The following DIS3L2 variants were observed in gnomAD, a reference collection of about 807,000 sequenced individuals.
DIS3L2 encodes the protein DIS3 like 3'-5' exoribonuclease 2.
In DIS3L2, 34 loss-of-function variants were observed where a neutral mutation model predicts 97.5. The observed-to-expected ratio is 0.35, with a 90% confidence interval of 0.27 to 0.46. The LOEUF (loss-of-function observed/expected upper bound fraction) is 0.46. DIS3L2 is among the 20% of genes least tolerant of loss of function. The pLI is 1.00. For synonymous variants in DIS3L2, 435 were observed against 445.2 expected (o/e 0.98, Z 0.29); for missense variants, 1,038 against 1,146.0 (o/e 0.91, Z 1.36).
At chr2:232,204,790 G>A (rs1052880471) in intron 9 of DIS3L2, among the ~76,000 whole-genome samples, 3 of 152,112 alleles carry the variant, frequency 2.0e-5, no homozygotes, top group Non-Finnish European at 4.4e-5. Flanking sequence ...CAACCCCACC[G>A]CACGGGGCTG....
chr2:232,183,679 A>G (rs1485790031), intron 9 of DIS3L2, among the ~76,000 whole-genome samples: 3 of 152,218 alleles, frequency 2.0e-5, no homozygotes, highest in African/African-American at 7.2e-5. Flanking sequence ...CTTGTTGACC[A>G]GTACTTTAGC....
At chr2:232,259,031 C>T (rs1178711042) in intron 12 of DIS3L2, among the ~76,000 whole-genome samples, 3 of 152,146 alleles carry the variant, frequency 2.0e-5, no homozygotes, top group East Asian at 1.9e-4. Flanking sequence ...ATAGTAGATT[C>T]GGCTGCCAGA....
chr2:232,200,558 C>T (rs1212239703), intron 9 of DIS3L2, among the ~76,000 whole-genome samples: 4 of 151,440 alleles, frequency 2.6e-5, no homozygotes, highest in Middle Eastern at 3.4e-3. Flanking sequence ...TAGTGGTAGT[C>T]GTGGTAATGG....
intron 13 of DIS3L2, among the ~76,000 whole-genome samples, chr2:232,291,584 A>G (rs1694598972): frequency 6.6e-6 from 1 of 152,244 alleles, no homozygotes; most frequent in Non-Finnish European, 1.5e-5. Context: ...AGATTGAAGC[A>G]AATTCACAGG....
At chr2:232,320,973 A>T (rs1179723237) in intron 14 of DIS3L2, among the ~76,000 whole-genome samples, 1 of 152,140 alleles carries the variant, frequency 6.6e-6, no homozygotes, top group East Asian at 1.9e-4. Context: ...AGATGTGTGA[A>T]CTGAACCTGT....
intron 10 of DIS3L2, among the ~76,000 whole-genome samples, chr2:232,225,582 A>AGG (rs1287211998): frequency 1.3e-5 from 2 of 152,214 alleles, no homozygotes; most frequent in African/African-American, 4.8e-5. Context: ...AAAGACTGGG[A>AGG]GGAGGCATGA....
intron 5 of DIS3L2, among the ~76,000 whole-genome samples, chr2:232,072,731 A>G (rs899644232): frequency 6.7e-6 from 1 of 150,166 alleles, no homozygotes; most frequent in Non-Finnish European, 1.5e-5. Context: ...CTAAACCAGG[A>G]TGGTGGCAAT....
chr2:232,181,007 G>T (rs2106183142), intron 9 of DIS3L2, among the ~76,000 whole-genome samples: 1 of 65,238 alleles, frequency 1.5e-5, no homozygotes, highest in African/African-American at 6.4e-5. Context: ...GGCAGGCCTG[G>T]TGGTGACAAA....
Position 232,300,055 on chromosome 2 carries a change from A to C in DIS3L2, c.1675A>C (p.Thr559Pro), listed in dbSNP as rs755569735. Residue 559 changes from threonine (T) to proline (P), a missense_variant, in exon 14 of 21, where the codon ACT becomes CCT. Thr to Pro is a conservative substitution (Grantham distance 38, BLOSUM62 -1). This residue lies in a region of DIS3L2 where 813 missense variants were observed against 880.1 expected (regional missense o/e 0.92). Transcript: ENST00000325385. ...CTCTCTTCAGCTAAAGCTTGCTTTC[A>C]CTCTGGACCACGAGACCGGATTGCC... ...LRLDQLKLAFTLDHETGLPQG... is the reference protein window; with the variant it reads ...LRLDQLKLAFPLDHETGLPQG... 1.2e-6 allele frequency: 2 copies of C among 1,613,598 alleles called. No homozygotes were observed. Among genetic ancestry groups the C allele is most frequent in the South Asian group, 2.2e-5 (2 of 91,056 alleles).
chr2:232,024,325 T>A lies in DIS3L2; in HGVS notation c.259T>A (p.Ser87Thr), dbSNP rs938276359. 1 of 1,600,658 alleles carries A rather than the reference T, an allele frequency of 6.2e-7. No individual in the cohort carries two copies. Among genetic ancestry groups the A allele is most frequent in the Non-Finnish European group, 8.5e-7 (1 of 1,173,584 alleles). The change falls in exon 4 of 21, where the codon TCC becomes ACC. Residue 87 changes from serine to threonine, a missense_variant. Ser to Thr is a moderately conservative substitution (Grantham distance 58). Transcript: ENST00000325385. ...PKKFHEAFIP[S>T]PDGDRDIFID... ...GAAGTTTCATGAAGCCTTCATTCCT[T>A]CCCCGGTAAGTTCAATAAATTTATA... is the stretch of plus-strand genomic sequence containing the variant.
intron 6 of DIS3L2, among the ~76,000 whole-genome samples, chr2:232,129,815 ACC>A (rs924353831): frequency 2.0e-5 from 3 of 152,226 alleles, no homozygotes; most frequent in African/African-American, 7.2e-5. Flanking sequence ...ATTGGTTGTG[ACC>A]CCTAGAATCC....
intron 1 of DIS3L2, among the ~76,000 whole-genome samples, chr2:232,009,533 C>T (rs936525628): frequency 6.6e-6 from 1 of 152,146 alleles, no homozygotes; most frequent in Non-Finnish European, 1.5e-5. Context: ...AGTGGTCAGC[C>T]TATGATTGGT....
At chr2:232,330,099 C>T in intron 15 of DIS3L2, 103 bp downstream of exon 15, 2 of 1,384,618 alleles carry the variant, frequency 1.4e-6, no homozygotes, top group Non-Finnish European at 1.9e-6. Context: ...CCCAGAGTCC[C>T]TCCCCTTCAG....
intron 10 of DIS3L2, among the ~76,000 whole-genome samples, chr2:232,217,889 A>G (rs1050151364): frequency 2.0e-5 from 3 of 152,202 alleles, no homozygotes; most frequent in African/African-American, 7.2e-5. Context: ...ACACCCATGT[A>G]GAAATGTGAT....
chr2:232,275,509 T>TG (rs1694118565), intron 13 of DIS3L2, among the ~76,000 whole-genome samples: 2 of 152,204 alleles, frequency 1.3e-5, no homozygotes, highest in Admixed American at 1.3e-4. Flanking sequence ...GGTGAAAATG[T>TG]GGTACTGCTC....
At chr2:232,094,057 G>T (rs1243178337) in intron 6 of DIS3L2, among the ~76,000 whole-genome samples, 1 of 151,898 alleles carries the variant, frequency 6.6e-6, no homozygotes, top group Non-Finnish European at 1.5e-5. Context: ...TTTGTTTCAA[G>T]AAATTTTTAA....
chr2:232,174,898 T>C (rs936544127), intron 9 of DIS3L2, among the ~76,000 whole-genome samples: 1 of 151,982 alleles, frequency 6.6e-6, no homozygotes, highest in African/African-American at 2.4e-5. Flanking sequence ...TGGAGTGCAG[T>C]GGTACAGTCA....
intron 9 of DIS3L2, among the ~76,000 whole-genome samples, chr2:232,209,613 G>C (rs898150245): frequency 5.3e-5 from 8 of 152,168 alleles, no homozygotes; most frequent in South Asian, 2.1e-4. Flanking sequence ...AAAGGCTGGA[G>C]GTATGGAGAG....
At chr2:232,126,143 T>G (rs1698059248) in intron 6 of DIS3L2, among the ~76,000 whole-genome samples, 1 of 152,184 alleles carries the variant, frequency 6.6e-6, no homozygotes, top group African/African-American at 2.4e-5. Context: ...TACCATTGTC[T>G]CTTCATTCCA....
Sources: allele counts gnomAD v4.1 joint callset (sites outside exome capture counted in the v4.1 genomes callset), GRCh38; gene constraint gnomAD v4.1.1; regional missense constraint gnomAD v4.1.1; transcripts MANE v1.5; gene names NCBI Gene and HGNC (gene_info 2026-07-23, HGNC 2026-07-21).